CYB5R3: variants seen among roughly 807,000 people sequenced by gnomAD.
The protein encoded by CYB5R3 is NADH-cytochrome b5 reductase 3.
In CYB5R3, 28 loss-of-function variants were observed where a neutral mutation model predicts 36.5. That is an observed-to-expected ratio of 0.77 (90% CI 0.57 to 1.05). CYB5R3 has a LOEUF of 1.05. Ranked by LOEUF, CYB5R3 falls within the 50% of genes least tolerant of loss-of-function variation. The probability of loss-of-function intolerance (pLI) is 0.00; values close to 1 mark genes in which losing one functional copy is unlikely to be tolerated. For synonymous variants in CYB5R3, 181 were observed against 159.8 expected, an observed-to-expected ratio of 1.13 and a Z score of -1.00; for missense variants, 474 against 408.9, an observed-to-expected ratio of 1.16 and a Z score of -1.37.
At position 42,625,723 on chromosome 22, in the gene CYB5R3, C is replaced by T. The variant is rs377730013; in HGVS notation, c.633+1581G>A. Among the ~76,000 whole-genome samples, 84 of 151,984 alleles carry T rather than the reference C, an allele frequency of 5.5e-4. 1 individual carries two copies. Among genetic ancestry groups the T allele is most frequent in the African/African-American group, 1.7e-3 (71 of 41,456 alleles). ...GGAGGAAGGTAGGAGAGGAAACGAGCAGCAATGACCCGACTGGCACGGTTC... is the reference window on the plus strand; with the variant it reads ...GGAGGAAGGTAGGAGAGGAAACGAGTAGCAATGACCCGACTGGCACGGTTC... On this transcript the variant is annotated intron_variant, in intron 7 of 8. Coordinates refer to ENST00000352397, the MANE Select transcript of CYB5R3 (RefSeq NM_000398.7).
At chr22:42,635,952 T>G (rs560595555) in intron 2 of CYB5R3, among the ~76,000 whole-genome samples, 271 of 152,292 alleles carry the variant, frequency 1.8e-3, no homozygotes, top group African/African-American at 6.0e-3. Flanking sequence ...CCACGGCTCA[T>G]GCCTGTAATC....
intron 4 of CYB5R3, among the ~76,000 whole-genome samples, chr22:42,629,524 T>A (rs969650771): frequency 6.6e-6 from 1 of 152,140 alleles, no homozygotes; most frequent in Non-Finnish European, 1.5e-5. Flanking sequence ...CCAGTGTCCG[T>A]CCTCCAGCCA....
In CYB5R3 at chr22:42,631,003, G is replaced by A. The variant is rs1273963821; in HGVS notation, c.227-15C>T. The A allele has an allele frequency of 6.2e-6, 10 of 1,609,628 alleles. No homozygotes were observed. Among genetic ancestry groups the A allele is most frequent in the South Asian group, 4.4e-5 (4 of 90,634 alleles). On this transcript the variant is annotated splice_polypyrimidine_tract_variant and intron_variant, in intron 3 of 8. Coordinates refer to ENST00000352397, the MANE Select transcript of CYB5R3 (RefSeq NM_000398.7). Reference sequence around the variant, plus strand: ...GATGTGCTGGCCTGCAGGACAGAACGGGGTCACTCTGGGCCAGAGATCATC... The same window carrying A: ...GATGTGCTGGCCTGCAGGACAGAACAGGGTCACTCTGGGCCAGAGATCATC...
chr22:42,631,628 G>A, intron 2 of CYB5R3, 178 bp from the exon 3 acceptor site: 1 of 655,792 alleles, frequency 1.5e-6, no homozygotes, highest in Non-Finnish European at 2.8e-6. Context: ...CATGCACGCT[G>A]CGTGTGAGGT....
At chr22:42,630,293 C>A (rs1032796311) in intron 4 of CYB5R3, among the ~76,000 whole-genome samples, 1 of 152,136 alleles carries the variant, frequency 6.6e-6, no homozygotes, top group Non-Finnish European at 1.5e-5. Context: ...CAACACCACA[C>A]GAGCCCCTCA....
chr22:42,647,762 T>G (rs1929597775), intron 1 of CYB5R3, among the ~76,000 whole-genome samples: 1 of 151,054 alleles, frequency 6.6e-6, no homozygotes, highest in African/African-American at 2.4e-5. Flanking sequence ...GTGCCTGTAC[T>G]CAGGACACTG....
At chr22:42,634,100 C>T (rs750785107) in intron 2 of CYB5R3, among the ~76,000 whole-genome samples, 24 of 151,814 alleles carry the variant, frequency 1.6e-4, no homozygotes, top group Non-Finnish European at 1.6e-4. Flanking sequence ...GCCTGTAATT[C>T]GAGCACTTTG....
intron 1 of CYB5R3, 74 bp downstream of exon 1, chr22:42,649,221 C>T: frequency 1.4e-6 from 1 of 689,778 alleles, no homozygotes; most frequent in Non-Finnish European, 1.9e-6. Context: ...CTCCCGCAGG[C>T]CAGCCCGCCC....
In CYB5R3 at chr22:42,639,903, C is replaced by T; in HGVS notation, c.22-3057G>A. 4 of 1,494,246 alleles carry T rather than the reference C, an allele frequency of 2.7e-6. No individual in the cohort carries two copies. In the South Asian group the frequency reaches 5.1e-5, roughly 19 times the overall value. The allele number at this position is 1,494,246 out of a possible 1,614,324, so 92.6% of individuals were successfully genotyped here. ...TTTTATTCAGATAGCAGTCTGATCA[C>T]ACCTGGTCCAACAACACTCAAATAA... On this transcript the variant is annotated intron_variant, in intron 1 of 8. Coordinates refer to ENST00000352397, the MANE Select transcript of CYB5R3 (RefSeq NM_000398.7).
At chr22:42,643,564 G>A (rs1929392183) in intron 1 of CYB5R3, among the ~76,000 whole-genome samples, 1 of 151,912 alleles carries the variant, frequency 6.6e-6, no homozygotes, top group Non-Finnish European at 1.5e-5. Flanking sequence ...CATGCTGGGT[G>A]CAGCTGAGGC....
At chr22:42,628,870 G>A (rs371441161) in intron 4 of CYB5R3, among the ~76,000 whole-genome samples, 3 of 152,136 alleles carry the variant, frequency 2.0e-5, no homozygotes, top group African/African-American at 4.8e-5. Flanking sequence ...GTGGCTGGGG[G>A]AGGGACAGCG....
intron 1 of CYB5R3, among the ~76,000 whole-genome samples, chr22:42,644,893 G>T (rs373972689): frequency 6.6e-6 from 1 of 152,264 alleles, no homozygotes; most frequent in South Asian, 2.1e-4. Flanking sequence ...GGGCTGCGAG[G>T]CACCTTCCCC....
chr22:42,623,939 CT>C (rs1647388986), intron 7 of CYB5R3, 51 bp from the exon 8 acceptor site: 1 of 1,496,540 alleles, frequency 6.7e-7, no homozygotes, highest in Non-Finnish European at 9.3e-7. Flanking sequence ...CAGACTGCCC[CT>C]GGAGACACTC....
At chr22:42,627,818 G>T (rs549599905) in intron 5 of CYB5R3, 130 bp from the exon 6 acceptor site, 130 of 777,306 alleles carry the variant, frequency 1.7e-4, no homozygotes, top group African/African-American at 1.0e-4. Context: ...CCATTCTAAC[G>T]CGAGCCATGA....
chr22:42,640,205 T>G (rs1929172543), intron 1 of CYB5R3: 1 of 1,605,314 alleles, frequency 6.2e-7, no homozygotes, highest in African/African-American at 1.3e-5. Flanking sequence ...AATCGAGGCT[T>G]CAAGTAAGTC....
intron 4 of CYB5R3, 45 bp from the exon 5 acceptor site, chr22:42,628,326 A>G (rs1178508154): frequency 3.7e-6 from 6 of 1,609,998 alleles, no homozygotes; most frequent in Non-Finnish European, 5.1e-6. Flanking sequence ...TCCAGGTCTC[A>G]GGGGCGAGCT....
At position 42,618,600 on chromosome 22, in the gene CYB5R3, C is replaced by G. The variant is rs1446490659; in HGVS notation, c.*1173G>C. On this transcript the variant is annotated 3_prime_UTR_variant, in exon 9 of 9. Transcript: ENST00000352397. ...TGGTGGTGGGCACTTTTAGTCCCAGCTACTCGGGAGGCTGAGGCAGGAGAA... is the reference window on the plus strand; with the variant it reads ...TGGTGGTGGGCACTTTTAGTCCCAGGTACTCGGGAGGCTGAGGCAGGAGAA... 1.3e-5 allele frequency: 2 copies of G among 150,102 alleles called. No individual in the cohort carries two copies. The highest frequency in any genetic ancestry group is 2.9e-5 in the Non-Finnish European group (2 of 67,832). 9.3% of individuals were successfully genotyped at this position (150,102 alleles called of 1,614,324 possible).
chr22:42,646,429 G>C (rs1292847844), intron 1 of CYB5R3, among the ~76,000 whole-genome samples: 1 of 152,156 alleles, frequency 6.6e-6, no homozygotes, highest in Non-Finnish European at 1.5e-5. Context: ...TAGCTGAGGG[G>C]CTGCGTAGCT....
intron 1 of CYB5R3, chr22:42,640,345 G>A: frequency 4.2e-6 from 4 of 959,648 alleles, no homozygotes; most frequent in Non-Finnish European, 5.5e-6. Context: ...ACCCTGCGTG[G>A]TTCACTTATT....
Sources: allele counts gnomAD v4.1 joint callset (sites outside exome capture counted in the v4.1 genomes callset), GRCh38; gene constraint gnomAD v4.1.1; transcripts MANE v1.5; gene names NCBI Gene and HGNC (gene_info 2026-07-23, HGNC 2026-07-21).